The following MCCC1 variants were observed in gnomAD, a reference collection of about 807,000 sequenced individuals.
MCCC1 encodes methylcrotonoyl-CoA carboxylase subunit alpha, mitochondrial.
In MCCC1, 64 loss-of-function variants were observed where a neutral mutation model predicts 83.8. The ratio of observed to expected loss-of-function variants is 0.76; its 90% CI spans 0.62 to 0.94. The LOEUF is 0.94. Among genes scored for constraint, MCCC1 ranks in the 40% least tolerant of loss-of-function variants. The probability of loss-of-function intolerance (pLI) is 0.00; values close to 1 mark genes in which losing one functional copy is unlikely to be tolerated. For synonymous variants in MCCC1, 322 were observed against 315.4 expected (o/e 1.02, Z -0.22); for missense variants, 807 against 904.7 (o/e 0.89, Z 1.39).
intron 8 of MCCC1, among the ~76,000 whole-genome samples, chr3:183,055,608 T>C: frequency 6.6e-6 from 1 of 152,020 alleles, no homozygotes; most frequent in Non-Finnish European, 1.5e-5. Context: ...TATAATTATA[T>C]GTTTCAGGCT....
chr3:183,051,628 T>C (rs543741672), intron 9 of MCCC1, among the ~76,000 whole-genome samples: 7 of 152,212 alleles, frequency 4.6e-5, no homozygotes, highest in African/African-American at 1.4e-4. Context: ...ACTCACAGAA[T>C]GTACAACACC....
chr3:183,109,234 C>T (rs574587866), intron 1 of MCCC1, among the ~76,000 whole-genome samples: 18 of 152,214 alleles, frequency 1.2e-4, no homozygotes, highest in Admixed American at 5.9e-4. Context: ...TCTGGTGATC[C>T]GCCCACCTCG....
At chr3:183,100,862 G>A (rs1054851333), upstream of MCCC1, among the ~76,000 whole-genome samples, 2 of 152,236 alleles carry the variant, frequency 1.3e-5, no homozygotes, top group Non-Finnish European at 2.9e-5. Flanking sequence ...GCCAAGGCCG[G>A]AGCCCACTCC....
chr3:183,069,925 C>T (rs898647933), intron 7 of MCCC1, among the ~76,000 whole-genome samples: 4 of 152,170 alleles, frequency 2.6e-5, no homozygotes, highest in Non-Finnish European at 5.9e-5. Context: ...TAGATATGAA[C>T]TCTGGAGTCA....
chr3:183,056,854 C>T (rs1273167436), intron 8 of MCCC1, among the ~76,000 whole-genome samples: 2 of 152,086 alleles, frequency 1.3e-5, no homozygotes, highest in African/African-American at 2.4e-5. Flanking sequence ...GCCACCAAGC[C>T]CGGCTAATTT....
At position 183,038,932 on chromosome 3, in the gene MCCC1, T is replaced by C. The variant is rs1041137069; in HGVS notation, c.1377+94A>G. 4 of 1,109,466 alleles carry C rather than the reference T, an allele frequency of 3.6e-6. No homozygotes were observed. In the Admixed American group the frequency reaches 5.3e-5, roughly 15 times the overall value. 68.7% of individuals were successfully genotyped at this position (1,109,466 alleles called of 1,614,324 possible). On this transcript the variant is annotated intron_variant, in intron 12 of 18. Coordinates refer to ENST00000265594, the MANE Select transcript of MCCC1 (RefSeq NM_020166.5). ...GGGCAATTGATGGAAATAGAAAATA[T>C]GCTGACGAGACCAAGGCCCTGCCAA...
chr3:183,015,356 G>T lies in MCCC1; in HGVS notation c.*82C>A. On this transcript the variant is annotated 3_prime_UTR_variant, in exon 19 of 19. Coordinates refer to ENST00000265594, the MANE Select transcript of MCCC1 (RefSeq NM_020166.5). ...CATTTAGTAAAACTGCTCTTTATGA[G>T]ACCCCCAGAAAAGCTGGAGGCACTT... is the stretch of plus-strand genomic sequence containing the variant. 1 of 1,464,696 alleles carries T rather than the reference G, an allele frequency of 6.8e-7. No homozygotes were observed. 90.7% of individuals were successfully genotyped at this position (1,464,696 alleles called of 1,614,324 possible).
intron 3 of MCCC1, among the ~76,000 whole-genome samples, chr3:183,087,304 C>T (rs1717963303): frequency 6.6e-6 from 1 of 152,100 alleles, no homozygotes; most frequent in Non-Finnish European, 1.5e-5. Flanking sequence ...TGAAGTAGAC[C>T]ATTTAGAGCA....
In MCCC1 at chr3:183,112,446, A is replaced by G. The variant is rs1460624891; in HGVS notation, c.-102+3028T>C. On this transcript the variant is annotated intron_variant, in intron 1 of 17. Coordinates refer to the MCCC1 transcript ENST00000492597. ...CTCCTACCATCACAGCAGACACAAC[A>G]TCAAGCAAAGACAAGACATTTTCTC... is the stretch of plus-strand genomic sequence containing the variant. Among the ~76,000 whole-genome samples the G allele has an allele frequency of 2.0e-5, 3 of 152,184 alleles. No homozygotes were observed. In the East Asian group the frequency reaches 5.8e-4, roughly 29 times the overall value.
At chr3:183,063,831 C>T (rs1391632309) in intron 7 of MCCC1, among the ~76,000 whole-genome samples, 3 of 152,122 alleles carry the variant, frequency 2.0e-5, no homozygotes, top group Non-Finnish European at 4.4e-5. Flanking sequence ...GACGATACTG[C>T]GGAGACCCTC....
At chr3:183,097,223 G>A (rs1483410396) in intron 1 of MCCC1, among the ~76,000 whole-genome samples, 2 of 152,006 alleles carry the variant, frequency 1.3e-5, no homozygotes, top group Non-Finnish European at 2.9e-5. Flanking sequence ...GTCCGGCCTG[G>A]GCGACAGAGC....
intron 14 of MCCC1, among the ~76,000 whole-genome samples, chr3:183,031,341 T>A (rs140342818): frequency 1.3e-4 from 20 of 152,300 alleles, no homozygotes; most frequent in Admixed American, 2.6e-4. Context: ...TTAGCTATTA[T>A]CATTGAGTTT....
intron 4 of MCCC1, among the ~76,000 whole-genome samples, chr3:183,076,838 T>C (rs1033677916): frequency 1.3e-5 from 2 of 152,200 alleles, no homozygotes; most frequent in Non-Finnish European, 2.9e-5. Context: ...GATCTAATAA[T>C]GTAAGTTTTT....
chr3:183,066,582 C>T (rs1577321740), intron 7 of MCCC1, among the ~76,000 whole-genome samples: 1 of 152,192 alleles, frequency 6.6e-6, no homozygotes, highest in South Asian at 2.1e-4. Flanking sequence ...GGATTACAGG[C>T]ATGAGCCACC....
chr3:183,106,251 A>G (rs1312949439), intron 1 of MCCC1, among the ~76,000 whole-genome samples: 1 of 152,074 alleles, frequency 6.6e-6, no homozygotes, highest in East Asian at 1.9e-4. Flanking sequence ...TTTCAAAACA[A>G]TTACATAATA....
chr3:183,115,539 C>T (rs1719574214), exon 1 of MCCC1: 1 of 152,284 alleles, frequency 6.6e-6, no homozygotes, highest in African/African-American at 2.4e-5. Context: ...TCTTCCCCTA[C>T]TTATGTTACC....
intron 1 of MCCC1, among the ~76,000 whole-genome samples, chr3:183,107,909 A>T (rs1719432070): frequency 6.6e-6 from 1 of 152,170 alleles, no homozygotes; most frequent in African/African-American, 2.4e-5. Context: ...AATACAGGCC[A>T]GTTGTTTTGT....
At chr3:183,107,580 TCACCCA>T (rs1401483785) in intron 1 of MCCC1, among the ~76,000 whole-genome samples, 1 of 151,948 alleles carries the variant, frequency 6.6e-6, no homozygotes, top group East Asian at 1.9e-4. Context: ...TCTCACTCTG[TCACCCA>T]GGCTGGAGTG....
chr3:183,052,108 A>G (rs1715023147), intron 9 of MCCC1, 51 bp downstream of exon 9: 1 of 1,559,338 alleles, frequency 6.4e-7, no homozygotes, highest in Non-Finnish European at 8.8e-7. Flanking sequence ...CTTCTAAAAC[A>G]TAAATTAAAC....
Sources: allele counts gnomAD v4.1 joint callset (sites outside exome capture counted in the v4.1 genomes callset), GRCh38; gene constraint gnomAD v4.1.1; transcripts MANE v1.5; gene names NCBI Gene and HGNC (gene_info 2026-07-23, HGNC 2026-07-21).